WIPF1: variants seen among roughly 807,000 people sequenced by gnomAD.
WIPF1 encodes the protein WAS/WASL-interacting protein family member 1.
In WIPF1, 13 loss-of-function variants were observed where a neutral mutation model predicts 35.4. That is an observed-to-expected ratio of 0.37 (90% CI 0.24 to 0.58). The LOEUF (loss-of-function observed/expected upper bound fraction) is 0.58. WIPF1 is among the 20% of genes least tolerant of loss of function. WIPF1 has a pLI of 0.74. For synonymous variants in WIPF1, 267 were observed against 266.3 expected, an observed-to-expected ratio of 1.00 and a Z score of -0.02; for missense variants, 591 against 667.0, an observed-to-expected ratio of 0.89 and a Z score of 1.25.
chr2:174,681,320 G>A (rs1392244285), intron 1 of WIPF1, among the ~76,000 whole-genome samples: 1 of 152,184 alleles, frequency 6.6e-6, no homozygotes, highest in Non-Finnish European at 1.5e-5. Flanking sequence ...GAGAAACTCA[G>A]CCTTGTGCGG....
intron 1 of WIPF1, among the ~76,000 whole-genome samples, chr2:174,650,374 G>C (rs1687509663): frequency 6.6e-6 from 1 of 152,188 alleles, no homozygotes; most frequent in African/African-American, 2.4e-5. Context: ...TTTTATAAAT[G>C]ATCAGTTCAC....
chr2:174,663,474 C>T (rs1001833412), intron 1 of WIPF1, among the ~76,000 whole-genome samples: 2 of 152,020 alleles, frequency 1.3e-5, no homozygotes, highest in African/African-American at 4.8e-5. Flanking sequence ...CCCCTTCCCC[C>T]CACCCCGCCG....
intron 1 of WIPF1, among the ~76,000 whole-genome samples, chr2:174,628,691 T>C (rs1001361141): frequency 6.6e-5 from 10 of 152,248 alleles, no homozygotes; most frequent in African/African-American, 9.6e-5. Flanking sequence ...TCCCAAGTCC[T>C]TGGGGCCCTT....
chr2:174,574,671 G>A, intron 4 of WIPF1: 1 of 561,026 alleles, frequency 1.8e-6, no homozygotes, highest in Non-Finnish European at 3.2e-6. Flanking sequence ...AAGGACTCAT[G>A]TCCATGGCTC....
intron 1 of WIPF1, among the ~76,000 whole-genome samples, chr2:174,651,330 T>C (rs1357047714): frequency 6.6e-6 from 1 of 152,214 alleles, no homozygotes; most frequent in East Asian, 1.9e-4. Context: ...TCAACACTAC[T>C]ATCTTTTTTA....
chr2:174,645,543 A>T (rs990357031), intron 1 of WIPF1, among the ~76,000 whole-genome samples: 1 of 152,228 alleles, frequency 6.6e-6, no homozygotes, highest in African/African-American at 2.4e-5. Flanking sequence ...GTATTATGTC[A>T]TGCAAAGCCT....
Position 174,571,431 on chromosome 2 carries a change from GT to G in WIPF1, c.1129+244del, listed in dbSNP as rs1188094814. 1.6e-5 allele frequency: 10 copies of G among 625,016 alleles called. No homozygotes were observed. The highest frequency in any genetic ancestry group is 1.5e-4 in the African/African-American group (8 of 54,496). 38.7% of individuals were successfully genotyped at this position (625,016 alleles called of 1,614,324 possible). A position where few individuals can be genotyped will look rare whatever the true frequency, so the allele number is the denominator to read the frequency against. ...TTGCCTCTTCTTTATTAACTAGCTC[GT>G]GACCATTTAACTTTATTAGCTACTC... On this transcript the variant is annotated intron_variant, in intron 5 of 7. Transcript: ENST00000679041. The surrounding 1 kb of genome is among the most constrained non-coding windows in gnomAD (Gnocchi z 4.6).
chr2:174,636,698 A>C (rs866390461), intron 1 of WIPF1, among the ~76,000 whole-genome samples: 2 of 152,200 alleles, frequency 1.3e-5, no homozygotes, highest in Non-Finnish European at 1.5e-5. Flanking sequence ...TTTGACAACC[A>C]TAACAGTTTT....
intron 1 of WIPF1, among the ~76,000 whole-genome samples, chr2:174,616,742 G>A (rs1340560570): frequency 1.3e-5 from 2 of 152,148 alleles, no homozygotes; most frequent in African/African-American, 4.8e-5. Context: ...ACTTTTCTGA[G>A]AGAACAGGTG....
intron 1 of WIPF1, among the ~76,000 whole-genome samples, chr2:174,664,041 G>A (rs941937336): frequency 6.6e-6 from 1 of 152,180 alleles, no homozygotes; most frequent in Admixed American, 6.5e-5. Context: ...CTATCCCTAA[G>A]TCAGGTACTG....
intron 1 of WIPF1, among the ~76,000 whole-genome samples, chr2:174,659,701 C>T (rs1257058109): frequency 6.6e-6 from 1 of 152,188 alleles, no homozygotes; most frequent in East Asian, 1.9e-4. Flanking sequence ...TTAGTGATTA[C>T]AGAACTCAGT....
At position 174,581,341 on chromosome 2, in the gene WIPF1, G is replaced by A. The variant is rs766364703; in HGVS notation, c.150C>T (p.Val50=). 6 of 1,613,936 alleles carry A rather than the reference G, an allele frequency of 3.7e-6. No individual in the cohort carries two copies. The Admixed American group carries it at 6.7e-5, about 18-fold the overall frequency. ...GTATTGGTGCACTTCTGTCATTGGTGACCGTCTTCTTTAGTTTCTTCCCTT... is the reference window on the plus strand; with the variant it reads ...GTATTGGTGCACTTCTGTCATTGGTAACCGTCTTCTTTAGTTTCTTCCCTT... ...ISKGKKLKKT[V]TNDRSAPILD... is the part of the protein sequence containing the mutation. The change falls in exon 3 of 8, where the codon GTC becomes GTT. Residue 50 remains valine, a synonymous_variant. Coordinates refer to ENST00000679041, the MANE Select transcript of WIPF1 (RefSeq NM_001375834.1).
intron 1 of WIPF1, among the ~76,000 whole-genome samples, chr2:174,627,737 G>A (rs1048950051): frequency 6.6e-6 from 1 of 151,692 alleles, no homozygotes; most frequent in African/African-American, 2.4e-5. Context: ...GTAGAGATGG[G>A]GTCTTCCTAC....
chr2:174,629,886 C>T (rs1686966846), intron 1 of WIPF1: 1 of 152,244 alleles, frequency 6.6e-6, no homozygotes, highest in Non-Finnish European at 1.5e-5. Context: ...TCAAAGAAGA[C>T]ATTCCAAATC....
intron 1 of WIPF1, among the ~76,000 whole-genome samples, chr2:174,672,914 G>T (rs1688050970): frequency 6.6e-6 from 1 of 152,180 alleles, no homozygotes; most frequent in South Asian, 2.1e-4. Flanking sequence ...TCCAGTAAAT[G>T]AGCTGGTCAA....
chr2:174,578,678 G>T (rs959343359), intron 3 of WIPF1, among the ~76,000 whole-genome samples: 4 of 152,016 alleles, frequency 2.6e-5, no homozygotes, highest in South Asian at 4.2e-4. Context: ...TCTGGATTAG[G>T]TTTATCATAA....
Position 174,635,759 on chromosome 2 carries a change from TTTTG to T in WIPF1, c.-39+47011_-39+47014del, listed in dbSNP as rs576568367. 3.7e-3 allele frequency among the ~76,000 whole-genome samples: 566 copies of T among 152,288 alleles called. 3 individuals carry two copies. The highest frequency in any genetic ancestry group is 7.0e-3 in the South Asian group (34 of 4,826). ...TAAAAAAATGCTTTTAAATGGATTT[TTTTG>T]TTTGTTTTTTAGAAAGGTAACTGTA... is the stretch of plus-strand genomic sequence containing the variant. On this transcript the variant is annotated intron_variant, in intron 1 of 8. Coordinates refer to the WIPF1 transcript ENST00000272746.
intron 1 of WIPF1, among the ~76,000 whole-genome samples, chr2:174,662,360 C>T (rs1488080897): frequency 6.6e-6 from 1 of 152,162 alleles, no homozygotes; most frequent in African/African-American, 2.4e-5. Flanking sequence ...CAACTGTTCC[C>T]CATACATCGG....
chr2:174,682,141 C>G (rs998018084), intron 1 of WIPF1, among the ~76,000 whole-genome samples: 1 of 152,242 alleles, frequency 6.6e-6, no homozygotes, highest in Admixed American at 6.5e-5. Flanking sequence ...CCCCCGTCCC[C>G]ACTCCGGGCG....
Sources: allele counts gnomAD v4.1 joint callset (sites outside exome capture counted in the v4.1 genomes callset), GRCh38; gene constraint gnomAD v4.1.1; non-coding constraint Gnocchi (gnomAD v3.1); transcripts MANE v1.5; gene names NCBI Gene and HGNC (gene_info 2026-07-23, HGNC 2026-07-21).